The following DEGS1 variants were observed in gnomAD, a reference collection of about 807,000 sequenced individuals.
The protein encoded by DEGS1 is sphingolipid delta(4)-desaturase DES1.
In DEGS1, 17 loss-of-function variants were observed where a neutral mutation model predicts 24.1. That is an observed-to-expected ratio of 0.70 (90% CI 0.48 to 1.06). DEGS1 has a LOEUF of 1.06. DEGS1 is among the 50% of genes least tolerant of loss of function. The pLI is 0.00. For synonymous variants in DEGS1, 134 were observed against 140.0 expected, an observed-to-expected ratio of 0.96 and a Z score of 0.30; for missense variants, 366 against 408.9, an observed-to-expected ratio of 0.90 and a Z score of 0.91.
Position 224,189,968 on chromosome 1 carries a change from A to G in DEGS1, c.474A>G (p.Arg158=), listed in dbSNP as rs1572043383. Residue 158 remains arginine (R), a synonymous_variant, in exon 2 of 3, where the codon AGA becomes AGG. Transcript: ENST00000323699. The part of the protein sequence containing the change: ...FEGWFFCTAF[R]KFIWVILQPL... ...GCTGGTTCTTCTGTACCGCTTTCAG[A>G]AAGTTTATATGGGTTATTCTTCAGC... 6.2e-7 allele frequency: 1 copy of G among 1,614,202 alleles called. No individual in the cohort carries two copies. Among genetic ancestry groups the G allele is most frequent in the South Asian group, 1.1e-5 (1 of 91,088 alleles).
At position 224,183,371 on chromosome 1, in the gene DEGS1, G is replaced by T. The variant is rs1267349694; in HGVS notation, c.35G>T (p.Trp12Leu). 6.9e-7 allele frequency: 1 copy of T among 1,454,688 alleles called. No individual in the cohort carries two copies. 90.1% of individuals were successfully genotyped at this position (1,454,688 alleles called of 1,614,324 possible). The part of the protein sequence containing the change: ...GSRVSREDFE[W>L]VYTDQPHADR... ...CGCGTCTCGCGGGAAGACTTCGAGT[G>T]GGTCTACACCGACCAGCCGCACGCC... The change falls in exon 1 of 3, where the codon TGG (tryptophan) becomes TTG (leucine). Residue 12 changes from tryptophan (W) to leucine (L), a missense_variant. Transcript: ENST00000323699.
Position 224,190,139 on chromosome 1 carries a change from A to T in DEGS1, c.645A>T (p.Ala215=). The T allele has an allele frequency of 6.2e-7, 1 of 1,608,280 alleles. No individual in the cohort carries two copies. The highest frequency in any genetic ancestry group is 8.5e-7 in the Non-Finnish European group (1 of 1,177,144). The change falls in exon 2 of 3, where the codon GCA becomes GCT. Residue 215 remains alanine, a synonymous_variant. Transcript: ENST00000323699. ...GIKSLVYMLA[A]SLLGLGLHPI... ...AATCCTTAGTCTACATGTTGGCAGCATCTTTACTTGGCCTGGGTTTGCACC... is the reference window on the plus strand; with the variant it reads ...AATCCTTAGTCTACATGTTGGCAGCTTCTTTACTTGGCCTGGGTTTGCACC...
chr1:224,184,523 G>T (rs1658326347), intron 1 of DEGS1, among the ~76,000 whole-genome samples: 3 of 150,956 alleles, frequency 2.0e-5, no homozygotes, highest in African/African-American at 4.9e-5. Flanking sequence ...TTGTTTGTTT[G>T]TTTTTTGAGA....
At chr1:224,183,448 C>G (rs760863721) in intron 1 of DEGS1, 30 bp downstream of exon 1, 1 of 1,305,500 alleles carries the variant, frequency 7.7e-7, no homozygotes, top group Non-Finnish European at 9.8e-7. Flanking sequence ...CCGTTATGTG[C>G]GTGCGTGGCC....
rs1356732285 is a variant in DEGS1, at chr1:224,193,137, G to A, written c.*659G>A. 1.3e-5 allele frequency: 2 copies of A among 152,054 alleles called. No individual in the cohort carries two copies. The highest frequency in any genetic ancestry group is 2.9e-5 in the Non-Finnish European group (2 of 68,010). 9.4% of individuals were successfully genotyped at this position (152,054 alleles called of 1,614,324 possible). On this transcript the variant is annotated 3_prime_UTR_variant, in exon 3 of 3. Coordinates refer to ENST00000323699, the MANE Select transcript of DEGS1 (RefSeq NM_003676.4). ...CTATAAAGTTTTGCTTTATTAAAAAGCTAATAAACAGCTATTAATCACAGT... is the reference window on the plus strand; with the variant it reads ...CTATAAAGTTTTGCTTTATTAAAAAACTAATAAACAGCTATTAATCACAGT...
At chr1:224,184,539 TCTCA>T (rs1455269133) in intron 1 of DEGS1, among the ~76,000 whole-genome samples, 1 of 152,048 alleles carries the variant, frequency 6.6e-6, no homozygotes, top group African/African-American at 2.4e-5. Flanking sequence ...TGAGACTGAG[TCTCA>T]CTCTGTTGCT....
chr1:224,185,281 C>T (rs902736290), intron 1 of DEGS1, among the ~76,000 whole-genome samples: 2 of 152,142 alleles, frequency 1.3e-5, no homozygotes, highest in African/African-American at 4.8e-5. Context: ...GCGTAAGCCA[C>T]TGCACCCGGT....
At chr1:224,190,670 A>T (rs1658515166) in intron 2 of DEGS1, among the ~76,000 whole-genome samples, 1 of 151,158 alleles carries the variant, frequency 6.6e-6, no homozygotes, top group Non-Finnish European at 1.5e-5. Flanking sequence ...CAAAGGGTTC[A>T]CTCTTGGGTC....
chr1:224,183,677 C>T (rs1366470505), intron 1 of DEGS1: 4 of 303,856 alleles, frequency 1.3e-5, no homozygotes, highest in Admixed American at 5.1e-5. Context: ...CGTCCCCGAG[C>T]GCGGGAGTCC....
Position 224,189,819 on chromosome 1 carries a change from G to A in DEGS1, c.325G>A (p.Gly109Arg), listed in dbSNP as rs1347986357. Residue 109 changes from glycine to arginine, a missense_variant, in exon 2 of 3, where the codon GGA (glycine) becomes AGA (arginine). Coordinates refer to ENST00000323699, the MANE Select transcript of DEGS1 (RefSeq NM_003676.4). The stretch of plus-strand genomic sequence containing the variant: ...CAAAGCAATGTGGAATCGCTGGTTT[G>A]GAATGTTTGCTAATCTTCCTATTGG... ...NCKAMWNRWF[G>R]MFANLPIGIP... 6.2e-7 allele frequency: 1 copy of A among 1,614,148 alleles called. No individual in the cohort carries two copies. The highest frequency in any genetic ancestry group is 1.7e-5 in the Admixed American group (1 of 60,014).
chr1:224,184,503 T>TG (rs1658325681), intron 1 of DEGS1, among the ~76,000 whole-genome samples: 1 of 84,004 alleles, frequency 1.2e-5, no homozygotes, highest in African/African-American at 3.7e-5. Flanking sequence ...CGTGTTTGTT[T>TG]TTTGTTTGTT....
chr1:224,192,459 G>A lies in DEGS1; in HGVS notation c.953G>A (p.Gly318Glu), dbSNP rs752923785. ...TCAAGAATGAAGAGGCACCAAAAAG[G>A]AGAGATGGTGCTGGAGTAAATATCA... ...PYSRMKRHQKGEMVLE is the reference protein window; with the variant it reads ...PYSRMKRHQKEEMVLE Residue 318 changes from glycine to glutamate, a missense_variant, in exon 3 of 3, where the codon GGA becomes GAA. Gly to Glu is a moderately conservative substitution (Grantham distance 98). Transcript: ENST00000323699. 1 of 1,611,712 alleles carries A rather than the reference G, an allele frequency of 6.2e-7. No individual in the cohort carries two copies. The highest frequency in any genetic ancestry group is 1.1e-5 in the South Asian group (1 of 90,388).
chr1:224,189,550 TC>T, intron 1 of DEGS1, 26 bp from the exon 2 acceptor site: 8 of 1,517,546 alleles, frequency 5.3e-6, no homozygotes, highest in South Asian at 1.3e-5. Context: ...TTTTCTTAGT[TC>T]CTGTTTTTTT....
At chr1:224,183,523 T>A (rs1403324367) in intron 1 of DEGS1, 105 bp downstream of exon 1, 2 of 861,968 alleles carry the variant, frequency 2.3e-6, no homozygotes, top group Non-Finnish European at 3.1e-6. Flanking sequence ...GGAGGCCCGT[T>A]AGCAGCCTGC....
intron 2 of DEGS1, among the ~76,000 whole-genome samples, chr1:224,191,390 A>G (rs1658532027): frequency 7.3e-6 from 1 of 136,294 alleles, no homozygotes; most frequent in Non-Finnish European, 1.6e-5. Context: ...ACTCCGTCTC[A>G]AAAAAAAAAA....
intron 1 of DEGS1, 53 bp from the exon 2 acceptor site, chr1:224,189,521 TTGG>T: frequency 1.5e-6 from 2 of 1,293,324 alleles, no homozygotes; most frequent in East Asian, 2.3e-5. Flanking sequence ...TTAATTATAA[TTGG>T]TGAACTATTA....
intron 2 of DEGS1, chr1:224,190,948 C>T (rs1033020695): frequency 2.0e-5 from 3 of 152,132 alleles, no homozygotes; most frequent in African/African-American, 7.2e-5. Flanking sequence ...TCTCAAACTC[C>T]TGGATTCAAG....
Position 224,192,576 on chromosome 1 carries a change from C to A in DEGS1, c.*98C>A, listed in dbSNP as rs1658570848. 2 of 1,192,346 alleles carry A rather than the reference C, an allele frequency of 1.7e-6. No individual in the cohort carries two copies. 73.9% of individuals were successfully genotyped at this position (1,192,346 alleles called of 1,614,324 possible). ...TGAGACCAGTGATGCTCAGAAGCTC[C>A]CCTGGCACAATTTCAGAGTAAGAGC... is the stretch of plus-strand genomic sequence containing the variant. On this transcript the variant is annotated 3_prime_UTR_variant, in exon 3 of 3. Coordinates refer to ENST00000323699, the MANE Select transcript of DEGS1 (RefSeq NM_003676.4).
At chr1:224,189,284 C>A (rs1658473008) in intron 1 of DEGS1, among the ~76,000 whole-genome samples, 1 of 152,052 alleles carries the variant, frequency 6.6e-6, no homozygotes. Context: ...GAATGCTGTA[C>A]CTCTGTCTAA....
Sources: gnomAD v4.1 joint callset for allele counts (sites outside exome capture counted in the v4.1 genomes callset) on GRCh38, gnomAD v4.1.1 for gene constraint, MANE v1.5 for transcripts, NCBI Gene and HGNC (gene_info 2026-07-23, HGNC 2026-07-21) for gene names.